The following FHIT variants were observed in gnomAD, a reference collection of about 807,000 sequenced individuals.
FHIT encodes the protein fragile histidine triad diadenosine triphosphatase.
FHIT carries 19 observed loss-of-function variants against 17.9 expected under a neutral mutation model. The ratio of observed to expected loss-of-function variants is 1.06; its 90% CI spans 0.74 to 1.56. The LOEUF (loss-of-function observed/expected upper bound fraction) is 1.56. Among genes scored for constraint, FHIT ranks in the 40% most tolerant of loss-of-function variants. The pLI, the probability that FHIT is intolerant of heterozygous loss-of-function variation, is 0.00. For missense variants in FHIT, 248 were observed against 189.2 expected, an observed-to-expected ratio of 1.31 and a Z score of -1.82; for synonymous variants, 81 against 69.7, an observed-to-expected ratio of 1.16 and a Z score of -0.81.
At chr3:60,214,912 AG>A (rs767677268) in intron 5 of FHIT, among the ~76,000 whole-genome samples, 9 of 152,174 alleles carry the variant, frequency 5.9e-5, no homozygotes, top group Non-Finnish European at 1.2e-4. Flanking sequence ...AAACTAACAC[AG>A]GAACAGGAAA....
intron 4 of FHIT, among the ~76,000 whole-genome samples, chr3:60,566,982 A>C (rs2037159034): frequency 7.9e-6 from 1 of 126,432 alleles, no homozygotes; most frequent in Non-Finnish European, 1.7e-5. Context: ...ATGGAAGAAC[A>C]TTCCATGCTC....
chr3:60,907,448 C>T (rs1706489893), intron 3 of FHIT, among the ~76,000 whole-genome samples: 1 of 152,074 alleles, frequency 6.6e-6, no homozygotes, highest in Admixed American at 6.6e-5. Flanking sequence ...ATGTGTAATC[C>T]TTGATTGTAT....
chr3:59,921,565 T>G, intron 8 of FHIT, among the ~76,000 whole-genome samples: 1 of 152,198 alleles, frequency 6.6e-6, no homozygotes, highest in East Asian at 1.9e-4. Flanking sequence ...ATTTAACCAA[T>G]CACTCCAGGG....
chr3:60,089,171 A>G (rs146478781), intron 5 of FHIT, among the ~76,000 whole-genome samples: 4,949 of 152,248 alleles, frequency 0.033, 105 homozygotes, highest in Non-Finnish European at 0.043. Context: ...TGGAGGGAAC[A>G]CTCCAAGCAC....
intron 5 of FHIT, among the ~76,000 whole-genome samples, chr3:60,097,115 C>G (rs1703985018): frequency 6.6e-6 from 1 of 151,454 alleles, no homozygotes; most frequent in African/African-American, 2.4e-5. Context: ...TGAAAACATA[C>G]CCAAATATCA....
rs869078939 is a variant in FHIT, at chr3:60,390,396, TAAAAAA to T, written c.103+146458_103+146463del. ...TGGTCCCTTAAGATTGTAATGGAGC[TAAAAAA>T]AAAAAAAAAAAAAAAAAAAAAAAAA... On this transcript the variant is annotated intron_variant, in intron 5 of 9. Transcript: ENST00000492590. 1.5e-3 allele frequency among the ~76,000 whole-genome samples: 47 copies of T among 31,990 alleles called. 1 individual carries two copies. The highest frequency in any genetic ancestry group is 3.3e-3 in the South Asian group (2 of 598). 21.0% of individuals were successfully genotyped at this position (31,990 alleles called of 152,430 possible). A position where few individuals can be genotyped will look rare whatever the true frequency, so the allele number is the denominator to read the frequency against.
chr3:61,009,169 A>G (rs2031645942), intron 3 of FHIT, among the ~76,000 whole-genome samples: 1 of 152,202 alleles, frequency 6.6e-6, no homozygotes, highest in South Asian at 2.1e-4. Flanking sequence ...CTTAAGAAGC[A>G]ATAGACTGGG....
chr3:60,188,405 G>A (rs1204320143), intron 5 of FHIT, among the ~76,000 whole-genome samples: 1 of 151,832 alleles, frequency 6.6e-6, no homozygotes, highest in East Asian at 1.9e-4. Context: ...TTATTTTTTA[G>A]TTGAAAAAGT....
At chr3:60,483,895 T>C (rs1004662602) in intron 5 of FHIT, among the ~76,000 whole-genome samples, 23 of 152,178 alleles carry the variant, frequency 1.5e-4, no homozygotes, top group African/African-American at 5.6e-4. Context: ...ATTGTCTCTG[T>C]TTAGAGATTA....
intron 8 of FHIT, among the ~76,000 whole-genome samples, chr3:59,869,619 C>A (rs1044655805): frequency 2.7e-5 from 4 of 149,980 alleles, no homozygotes; most frequent in Admixed American, 1.3e-4. Flanking sequence ...GTAGCTGGGA[C>A]TACAGGTGCC....
intron 7 of FHIT, among the ~76,000 whole-genome samples, chr3:59,994,990 G>T (rs866299219): frequency 6.6e-6 from 1 of 152,152 alleles, no homozygotes; most frequent in Middle Eastern, 3.4e-3. Flanking sequence ...GGGGATTGTT[G>T]TGGGTACGAA....
At chr3:59,895,659 C>G (rs1436205198) in intron 8 of FHIT, among the ~76,000 whole-genome samples, 2 of 152,176 alleles carry the variant, frequency 1.3e-5, no homozygotes, top group Non-Finnish European at 2.9e-5. Flanking sequence ...TGCTTCTCTC[C>G]TTCCATGAAG....
chr3:60,953,833 T>C (rs1708996817), intron 3 of FHIT, among the ~76,000 whole-genome samples: 1 of 152,224 alleles, frequency 6.6e-6, no homozygotes, highest in African/African-American at 2.4e-5. Context: ...TTCATTACTA[T>C]TGATTCCCTG....
At chr3:60,394,865 A>T (rs1009039440) in intron 5 of FHIT, among the ~76,000 whole-genome samples, 10 of 152,310 alleles carry the variant, frequency 6.6e-5, no homozygotes, top group African/African-American at 1.4e-4. Flanking sequence ...GTTCATCTGC[A>T]GCCGTGGCCA....
intron 4 of FHIT, among the ~76,000 whole-genome samples, chr3:60,806,741 G>A (rs1007392251): frequency 2.8e-4 from 42 of 152,278 alleles, no homozygotes; most frequent in African/African-American, 1.0e-3. Context: ...ATCCCAACCA[G>A]TGCTTAACAT....
chr3:60,140,258 CTGA>C (rs1699984061), intron 5 of FHIT, among the ~76,000 whole-genome samples: 1 of 152,096 alleles, frequency 6.6e-6, no homozygotes, highest in African/African-American at 2.4e-5. Flanking sequence ...TTCTCCCATT[CTGA>C]TGATAGTGCC....
chr3:60,118,644 T>C (rs1043703893), intron 5 of FHIT, among the ~76,000 whole-genome samples: 2 of 151,868 alleles, frequency 1.3e-5, no homozygotes, highest in African/African-American at 4.8e-5. Flanking sequence ...AAGAAACGAA[T>C]GCTAATATTA....
At chr3:60,905,862 G>T (rs1308590269) in intron 3 of FHIT, among the ~76,000 whole-genome samples, 1 of 152,192 alleles carries the variant, frequency 6.6e-6, no homozygotes, top group Non-Finnish European at 1.5e-5. Flanking sequence ...GGAGCTGGAA[G>T]GGTAGGGATG....
chr3:61,049,427 C>T (rs1476588302), intron 2 of FHIT, among the ~76,000 whole-genome samples: 1 of 151,724 alleles, frequency 6.6e-6, no homozygotes, highest in Non-Finnish European at 1.5e-5. Context: ...ATTTTGCATC[C>T]CCTAATGATA....
Sources: gnomAD v4.1 joint callset for allele counts (sites outside exome capture counted in the v4.1 genomes callset) on GRCh38, gnomAD v4.1.1 for gene constraint, MANE v1.5 for transcripts, NCBI Gene and HGNC (gene_info 2026-07-23, HGNC 2026-07-21) for gene names.